Variants in NUBPL observed in about 807,000 individuals in gnomAD.
NUBPL encodes the protein NUBP iron-sulfur cluster assembly factor, mitochondrial.
Under a neutral mutation model 45.7 loss-of-function variants are expected in NUBPL, and 31 were observed. That is an observed-to-expected ratio of 0.68 (90% CI 0.51 to 0.92). The LOEUF (loss-of-function observed/expected upper bound fraction) is 0.92. Ranked by LOEUF, NUBPL falls within the 40% of genes least tolerant of loss-of-function variation. The pLI is 0.00. For synonymous variants in NUBPL, 144 were observed against 140.9 expected, an observed-to-expected ratio of 1.02 and a Z score of -0.15; for missense variants, 401 against 398.7, an observed-to-expected ratio of 1.01 and a Z score of -0.05.
chr14:31,771,307 A>G (rs924747100), intron 6 of NUBPL, among the ~76,000 whole-genome samples: 1 of 152,214 alleles, frequency 6.6e-6, no homozygotes, highest in African/African-American at 2.4e-5. Context: ...ATTCAGAAAT[A>G]AACGTTCTTA....
At chr14:31,807,739 G>A (rs34876895) in intron 7 of NUBPL, among the ~76,000 whole-genome samples, 52,316 of 151,954 alleles carry the variant, frequency 0.34, 9,921 homozygotes, top group South Asian at 0.44. Flanking sequence ...TTTCTTCTAG[G>A]GTTTTTATGG....
chr14:31,671,688 A>G (rs937990347), intron 4 of NUBPL, among the ~76,000 whole-genome samples: 4 of 152,242 alleles, frequency 2.6e-5, no homozygotes, highest in Admixed American at 2.0e-4. Context: ...AGGTATGGGG[A>G]GATTGAGCTA....
At chr14:31,766,904 T>A (rs1040043114) in intron 6 of NUBPL, among the ~76,000 whole-genome samples, 3 of 152,118 alleles carry the variant, frequency 2.0e-5, no homozygotes, top group Admixed American at 1.3e-4. Context: ...TATGTGGTAC[T>A]GAAGATGGCA....
At chr14:31,615,377 T>C (rs2034871988) in intron 4 of NUBPL, among the ~76,000 whole-genome samples, 1 of 152,130 alleles carries the variant, frequency 6.6e-6, no homozygotes, top group African/African-American at 2.4e-5. Flanking sequence ...ACACGTGCCA[T>C]GGTGGATTGC....
At chr14:31,653,198 G>T (rs1295602658) in intron 4 of NUBPL, among the ~76,000 whole-genome samples, 1 of 152,216 alleles carries the variant, frequency 6.6e-6, no homozygotes, top group Non-Finnish European at 1.5e-5. Flanking sequence ...ATGGTCAGCT[G>T]TGCACGTATT....
intron 3 of NUBPL, among the ~76,000 whole-genome samples, chr14:31,590,465 C>A (rs1321570062): frequency 2.0e-5 from 3 of 152,138 alleles, no homozygotes; most frequent in Admixed American, 6.5e-5. Context: ...TCAAAACCAG[C>A]TGCTGGGCCG....
chr14:31,692,333 GAA>G (rs1436722661), intron 6 of NUBPL, among the ~76,000 whole-genome samples: 1 of 152,092 alleles, frequency 6.6e-6, no homozygotes, highest in Non-Finnish European at 1.5e-5. Context: ...ATGCAAATGA[GAA>G]AAGTCTTTTC....
chr14:31,710,607 T>A (rs1189321646), intron 6 of NUBPL, among the ~76,000 whole-genome samples: 1 of 151,974 alleles, frequency 6.6e-6, no homozygotes, highest in East Asian at 1.9e-4. Context: ...CCTGTTAGAG[T>A]CCTAAACATT....
intron 4 of NUBPL, among the ~76,000 whole-genome samples, chr14:31,601,025 G>T (rs1299648577): frequency 5.3e-5 from 8 of 152,150 alleles, no homozygotes; most frequent in Admixed American, 2.0e-4. Context: ...TTTCCCCATT[G>T]CTTGTTTTTC....
intron 4 of NUBPL, among the ~76,000 whole-genome samples, chr14:31,654,325 G>A (rs1258182698): frequency 2.0e-5 from 3 of 152,116 alleles, no homozygotes; most frequent in Admixed American, 1.3e-4. Flanking sequence ...CCTTTGGATG[G>A]TGTTGCCTGC....
intron 6 of NUBPL, among the ~76,000 whole-genome samples, chr14:31,707,429 CTCTT>C (rs1435137933): frequency 1.3e-5 from 2 of 152,184 alleles, no homozygotes; most frequent in Non-Finnish European, 2.9e-5. Flanking sequence ...CTTTGTCTCT[CTCTT>C]TCTCTCTTTC....
intron 6 of NUBPL, among the ~76,000 whole-genome samples, chr14:31,707,312 T>C (rs879548062): frequency 2.8e-4 from 43 of 152,392 alleles, no homozygotes; most frequent in African/African-American, 8.9e-4. Context: ...AGGGAAGACC[T>C]TCAATTATCA....
chr14:31,798,739 C>T (rs1233161991), intron 7 of NUBPL, among the ~76,000 whole-genome samples: 6 of 116,834 alleles, frequency 5.1e-5, no homozygotes, highest in Non-Finnish European at 8.1e-5. Flanking sequence ...TTGCAGTGAG[C>T]GGAGATCATG....
At chr14:31,755,546 T>C (rs1595586069) in intron 6 of NUBPL, among the ~76,000 whole-genome samples, 1 of 150,208 alleles carries the variant, frequency 6.7e-6, no homozygotes, top group East Asian at 1.9e-4. Flanking sequence ...GATGGAGTTG[T>C]TTGTTTTTTT....
At chr14:31,695,767 CTATTCTT>C (rs1257992860) in intron 6 of NUBPL, among the ~76,000 whole-genome samples, 9 of 152,160 alleles carry the variant, frequency 5.9e-5, no homozygotes, top group African/African-American at 1.7e-4. Flanking sequence ...AAATAAAACT[CTATTCTT>C]TATAAATTAC....
intron 6 of NUBPL, among the ~76,000 whole-genome samples, chr14:31,775,042 A>G (rs976433046): frequency 6.6e-6 from 1 of 152,242 alleles, no homozygotes; most frequent in African/African-American, 2.4e-5. Flanking sequence ...CATATTTCAC[A>G]ATATTATAAG....
chr14:31,809,870 A>T (rs2039766098), intron 7 of NUBPL, among the ~76,000 whole-genome samples: 1 of 152,030 alleles, frequency 6.6e-6, no homozygotes, highest in African/African-American at 2.4e-5. Flanking sequence ...TCATTTCGTT[A>T]TGTACCCAGT....
intron 3 of NUBPL, among the ~76,000 whole-genome samples, chr14:31,585,532 C>T (rs1345845910): frequency 1.3e-5 from 2 of 152,064 alleles, no homozygotes; most frequent in African/African-American, 2.4e-5. Context: ...TTCGTGTGTA[C>T]GTATGTTTCA....
intron 7 of NUBPL, among the ~76,000 whole-genome samples, chr14:31,823,312 G>A (rs899465039): frequency 1.3e-5 from 2 of 151,914 alleles, no homozygotes; most frequent in African/African-American, 4.8e-5. Context: ...ATAAAAAGAT[G>A]AAAAAAATCA....
Sources: gnomAD v4.1 joint callset for allele counts (sites outside exome capture counted in the v4.1 genomes callset) on GRCh38, gnomAD v4.1.1 for gene constraint, MANE v1.5 for transcripts, NCBI Gene and HGNC (gene_info 2026-07-23, HGNC 2026-07-21) for gene names.